Variants in IL2RB observed in about 807,000 individuals in gnomAD.
IL2RB encodes interleukin-2 receptor subunit beta.
IL2RB carries 17 observed loss-of-function variants against 44.2 expected under a neutral mutation model. The observed-to-expected ratio is 0.38, with a 90% CI of 0.26 to 0.58. IL2RB has a LOEUF of 0.58. IL2RB is among the 20% of genes least tolerant of loss of function. The pLI is 0.63. For synonymous variants in IL2RB, 286 were observed against 297.9 expected, an observed-to-expected ratio of 0.96 and a Z score of 0.41; for missense variants, 624 against 685.5, an observed-to-expected ratio of 0.91 and a Z score of 1.00.
chr22:37,150,803 A>G (rs1373022613), upstream of IL2RB, among the ~76,000 whole-genome samples: 1 of 151,746 alleles, frequency 6.6e-6, no homozygotes, highest in East Asian at 1.9e-4. Context: ...TTTAGCTCCC[A>G]CAAATAAGTG....
intron 1 of IL2RB, chr22:37,161,695 C>T (rs571198178): frequency 1.3e-5 from 2 of 152,098 alleles, no homozygotes; most frequent in East Asian, 1.9e-4. Context: ...AAGCCAGCTC[C>T]AGACTGCTGA....
rs574800908 is a variant in IL2RB, at chr22:37,169,842, G to T, written c.-34+5116C>A. Among the ~76,000 whole-genome samples, 6 of 152,298 alleles carry T rather than the reference G, an allele frequency of 3.9e-5. No homozygotes were observed. In the South Asian group the frequency reaches 1.2e-3, roughly 32 times the overall value. Reference sequence around the variant, plus strand: ...TTCCTTCTCTCCCCAACTAAAGTGGGTGCTCCCCAAGGGCAGGAACTGAAT... The same window carrying T: ...TTCCTTCTCTCCCCAACTAAAGTGGTTGCTCCCCAAGGGCAGGAACTGAAT... On this transcript the variant is annotated intron_variant, in intron 1 of 5. Coordinates refer to the IL2RB transcript ENST00000429622.
intron 1 of IL2RB, among the ~76,000 whole-genome samples, chr22:37,171,651 G>A (rs1055860089): frequency 3.9e-5 from 6 of 152,182 alleles, no homozygotes; most frequent in African/African-American, 1.2e-4. Context: ...CTGAATATGC[G>A]AGGCAATTTA....
At chr22:37,152,386 T>G (rs1318909371), upstream of IL2RB, among the ~76,000 whole-genome samples, 1 of 152,244 alleles carries the variant, frequency 6.6e-6, no homozygotes, top group East Asian at 1.9e-4. Flanking sequence ...TGTTGGTACA[T>G]AGAAATACTA....
intron 2 of IL2RB, 127 bp from the exon 3 acceptor site, chr22:37,143,762 A>C (rs1922087395): frequency 9.7e-6 from 7 of 719,734 alleles, no homozygotes; most frequent in Non-Finnish European, 1.7e-5. Context: ...TGGCAAGCGG[A>C]GAAGGGATTC....
At chr22:37,148,533 C>G (rs1013963854) in intron 1 of IL2RB, among the ~76,000 whole-genome samples, 13 of 152,266 alleles carry the variant, frequency 8.5e-5, no homozygotes, top group African/African-American at 2.2e-4. Context: ...TCTTGCTGCC[C>G]CATTTGATCC....
Position 37,128,314 on chromosome 22 carries a change from G to T in IL2RB, c.1438C>A (p.Pro480Thr), listed in dbSNP as rs754597674. 5.3e-6 allele frequency: 8 copies of T among 1,502,644 alleles called. No homozygotes were observed. Among genetic ancestry groups the T allele is most frequent in the Non-Finnish European group, 7.1e-6 (8 of 1,126,424 alleles). 93.1% of individuals were successfully genotyped at this position (1,502,644 alleles called of 1,614,324 possible). ...GGTGGCTGAAAATCCACCAGGTCTG[G>T]GACTCCTGGGGTGGGAGGCCCCAGG... is the stretch of plus-strand genomic sequence containing the variant. ...QPLGPPTPGV[P>T]DLVDFQPPPE... Residue 480 changes from proline (P) to threonine (T), a missense_variant, in exon 10 of 10, where the codon CCA becomes ACA. Physicochemically the swap from Pro to Thr is conservative, Grantham distance 38 (BLOSUM62 -1). Coordinates refer to ENST00000216223, the MANE Select transcript of IL2RB (RefSeq NM_000878.5). This position sits in a 1 kb window ranked among gnomAD's most constrained non-coding sequence, Gnocchi z 4.5.
chr22:37,141,224 G>C lies in IL2RB; in HGVS notation c.282+1210C>G, dbSNP rs1209827265. ...AGAGCCAGGTGTCCCTGCACTCTCA[G>C]GGGCCCTGGTCCAAACCCAAGCCTC... is the stretch of plus-strand genomic sequence containing the variant. On this transcript the variant is annotated intron_variant, in intron 4 of 9. Coordinates refer to ENST00000216223, the MANE Select transcript of IL2RB (RefSeq NM_000878.5). The surrounding 1 kb of genome is among the most constrained non-coding windows in gnomAD (Gnocchi z 4.4). Among the ~76,000 whole-genome samples, 1 of 152,026 alleles carries C rather than the reference G, an allele frequency of 6.6e-6. No individual in the cohort carries two copies. The highest frequency in any genetic ancestry group is 2.4e-5 in the African/African-American group (1 of 41,380).
chr22:37,135,003 G>A (rs974166861), intron 8 of IL2RB, among the ~76,000 whole-genome samples: 6 of 152,166 alleles, frequency 3.9e-5, no homozygotes, highest in Non-Finnish European at 1.5e-5. Flanking sequence ...TGAGAGCAGT[G>A]TTCTGGACAG....
chr22:37,142,153 C>T (rs1921998214), intron 4 of IL2RB, among the ~76,000 whole-genome samples: 1 of 152,200 alleles, frequency 6.6e-6, no homozygotes, highest in Non-Finnish European at 1.5e-5. Flanking sequence ...ACACAAGTGT[C>T]ACAGGACCCA....
chr22:37,159,705 G>A (rs568015669), intron 1 of IL2RB, among the ~76,000 whole-genome samples: 1 of 152,344 alleles, frequency 6.6e-6, no homozygotes, highest in South Asian at 2.1e-4. Context: ...GGATGCAGAG[G>A]AAGCCCTCCC....
At chr22:37,144,330 C>T in intron 1 of IL2RB, 125 bp from the exon 2 acceptor site, 1 of 1,237,508 alleles carries the variant, frequency 8.1e-7, no homozygotes, top group Non-Finnish European at 1.1e-6. Flanking sequence ...CAGCTCAGTC[C>T]AGCCCCAGGG....
chr22:37,172,764 GTC>G (rs1484359823), intron 1 of IL2RB, among the ~76,000 whole-genome samples: 1 of 152,228 alleles, frequency 6.6e-6, no homozygotes, highest in Non-Finnish European at 1.5e-5. Context: ...GCATCGTGAT[GTC>G]TCTGAACCTG....
At chr22:37,142,671 C>A in intron 3 of IL2RB, 159 bp from the exon 4 acceptor site, 2 of 736,238 alleles carry the variant, frequency 2.7e-6, no homozygotes, top group Non-Finnish European at 5.0e-6. Flanking sequence ...GCCTCCCCCA[C>A]TGGCTCCATG....
chr22:37,143,435 C>T (rs578023432), intron 3 of IL2RB, 86 bp downstream of exon 3: 130 of 872,132 alleles, frequency 1.5e-4, no homozygotes, highest in Non-Finnish European at 2.2e-4. Context: ...ATTCTGTAAA[C>T]GTTGACTCCT....
Position 37,127,971 on chromosome 22 carries a change from G to T in IL2RB, c.*125C>A. On this transcript the variant is annotated 3_prime_UTR_variant, in exon 10 of 10. Coordinates refer to ENST00000216223, the MANE Select transcript of IL2RB (RefSeq NM_000878.5). ...GCAGGACTGGGTGGGGGCCATCCGG[G>T]TGGAGAAGTCCAGCTGCAACTGGAC... 3 of 739,112 alleles carry T rather than the reference G, an allele frequency of 4.1e-6. No homozygotes were observed. The highest frequency in any genetic ancestry group is 5.9e-6 in the Non-Finnish European group (3 of 506,150). 45.8% of individuals were successfully genotyped at this position (739,112 alleles called of 1,614,324 possible).
upstream of IL2RB, among the ~76,000 whole-genome samples, chr22:37,154,415 C>T (rs377487747): frequency 6.6e-6 from 1 of 152,126 alleles, no homozygotes; most frequent in Admixed American, 6.5e-5. Flanking sequence ...GGCATCAGCT[C>T]GGGTCTGCTT....
intron 4 of IL2RB, 70 bp from the exon 5 acceptor site, chr22:37,139,292 A>G (rs1383870976): frequency 2.0e-6 from 2 of 1,018,764 alleles, no homozygotes; most frequent in Admixed American, 4.0e-5. Flanking sequence ...GGCCACCGGG[A>G]TGACCTGGGA....
In IL2RB at chr22:37,128,838, G is replaced by C; in HGVS notation, c.914C>G (p.Ser305Cys). 1 of 1,603,724 alleles carries C rather than the reference G, an allele frequency of 6.2e-7. No homozygotes were observed. Among genetic ancestry groups the C allele is most frequent in the South Asian group, 1.1e-5 (1 of 90,394 alleles). Residue 305 changes from serine (S) to cysteine (C), a missense_variant, in exon 10 of 10, where the codon TCT (serine) becomes TGT (cysteine). Physicochemically the swap from Ser to Cys is moderately radical, Grantham distance 112. This residue lies in a region of IL2RB where 255 missense variants were observed against 339.9 expected (regional missense o/e 0.75). Coordinates refer to ENST00000216223, the MANE Select transcript of IL2RB (RefSeq NM_000878.5). The surrounding 1 kb of genome is among the most constrained non-coding windows in gnomAD (Gnocchi z 4.5). ...EHGGDVQKWLSSPFPSSSFSP... is the reference protein window; with the variant it reads ...EHGGDVQKWLCSPFPSSSFSP... ...GAAGGACGATGAGGGGAAGGGCGAAGAGAGCCACTTCTGGTGGGAGAAAGG... is the reference window on the plus strand; with the variant it reads ...GAAGGACGATGAGGGGAAGGGCGAACAGAGCCACTTCTGGTGGGAGAAAGG...
Sources: allele counts gnomAD v4.1 joint callset (sites outside exome capture counted in the v4.1 genomes callset), GRCh38; gene constraint gnomAD v4.1.1; regional missense constraint gnomAD v4.1.1; non-coding constraint Gnocchi (gnomAD v3.1); transcripts MANE v1.5; gene names NCBI Gene and HGNC (gene_info 2026-07-23, HGNC 2026-07-21).